ARHGAP26: variants seen among roughly 807,000 people sequenced by gnomAD.
ARHGAP26 encodes the protein rho GTPase-activating protein 26.
ARHGAP26 carries 38 observed loss-of-function variants against 104.8 expected under a neutral mutation model. That is an observed-to-expected ratio of 0.36 (90% CI 0.28 to 0.48). ARHGAP26 has a LOEUF of 0.48. Ranked by LOEUF, ARHGAP26 falls within the 20% of genes least tolerant of loss-of-function variation. ARHGAP26 has a pLI of 0.99. For synonymous variants in ARHGAP26, 341 were observed against 340.0 expected, an observed-to-expected ratio of 1.00 and a Z score of -0.03; for missense variants, 704 against 947.9, an observed-to-expected ratio of 0.74 and a Z score of 3.38.
intron 12 of ARHGAP26, among the ~76,000 whole-genome samples, chr5:143,017,071 G>A (rs1246582079): frequency 6.6e-6 from 1 of 152,204 alleles, no homozygotes; most frequent in Non-Finnish European, 1.5e-5. Context: ...ATGAATTTAA[G>A]AGTGAGACAC....
chr5:142,950,000 C>G (rs1033030331), intron 11 of ARHGAP26, among the ~76,000 whole-genome samples: 8 of 152,186 alleles, frequency 5.3e-5, no homozygotes, highest in Admixed American at 5.2e-4. Flanking sequence ...AAAGTAATGG[C>G]ACATTATCTC....
chr5:142,971,043 T>G (rs376981486), intron 11 of ARHGAP26, among the ~76,000 whole-genome samples: 1 of 152,300 alleles, frequency 6.6e-6, no homozygotes, highest in East Asian at 1.9e-4. Context: ...TTAGGTGGCA[T>G]TGGAGGTTTG....
At chr5:143,148,094 G>C (rs543029100) in intron 20 of ARHGAP26, among the ~76,000 whole-genome samples, 1 of 152,090 alleles carries the variant, frequency 6.6e-6, no homozygotes, top group Non-Finnish European at 1.5e-5. Context: ...GTCAACTAGC[G>C]CCTTTGCAGA....
chr5:143,079,651 C>T (rs1789530626), intron 17 of ARHGAP26, among the ~76,000 whole-genome samples: 1 of 152,216 alleles, frequency 6.6e-6, no homozygotes, highest in African/African-American at 2.4e-5. Flanking sequence ...TTGTTCAGGT[C>T]TTGGAGCAAG....
chr5:143,011,978 T>G lies in ARHGAP26; in HGVS notation c.1108-2102T>G, dbSNP rs189854515. Among the ~76,000 whole-genome samples the G allele has an allele frequency of 1.5e-4, 23 of 152,340 alleles. No homozygotes were observed. In the East Asian group the frequency reaches 4.0e-3, roughly 27 times the overall value. On this transcript the variant is annotated intron_variant, in intron 11 of 22. Transcript: ENST00000645722. Reference sequence around the variant, plus strand: ...ATGTTCACATCAGCTCTGGCTGAGTTAGTCAGAAAAACCTATCATCGCCCA... The same window carrying G: ...ATGTTCACATCAGCTCTGGCTGAGTGAGTCAGAAAAACCTATCATCGCCCA...
At chr5:142,853,550 T>C (rs1345213999) in intron 1 of ARHGAP26, among the ~76,000 whole-genome samples, 1 of 152,220 alleles carries the variant, frequency 6.6e-6, no homozygotes, top group Non-Finnish European at 1.5e-5. Context: ...ACCTTGGTTC[T>C]ATCACTTACT....
chr5:143,214,590 C>G (rs1810035962), intron 22 of ARHGAP26, among the ~76,000 whole-genome samples: 1 of 152,234 alleles, frequency 6.6e-6, no homozygotes, highest in Non-Finnish European at 1.5e-5. Flanking sequence ...TCCGTGGGTC[C>G]TGGCTGCATC....
rs1033787228 is a variant in ARHGAP26 at position 142,871,787 on chromosome 5, G to A, written c.155-1613G>A. 2.0e-5 allele frequency among the ~76,000 whole-genome samples: 3 copies of A among 152,172 alleles called. No homozygotes were observed. Among genetic ancestry groups the A allele is most frequent in the Non-Finnish European group, 2.9e-5 (2 of 68,034 alleles). On this transcript the variant is annotated intron_variant, in intron 1 of 22. Coordinates refer to ENST00000645722, the MANE Select transcript of ARHGAP26 (RefSeq NM_001135608.3). This position sits in a 1 kb window ranked among gnomAD's most constrained non-coding sequence, Gnocchi z 4.1. ...CTGGCCATTTTTGTCAGATGCCTGA[G>A]TCCCCTGCCAACATCTTTTGACATT...
chr5:143,226,762 T>A lies in ARHGAP26; in HGVS notation c.*4316T>A, dbSNP rs1395796704. 1 of 219,256 alleles carries A rather than the reference T, an allele frequency of 4.6e-6. No individual in the cohort carries two copies. 13.6% of individuals were successfully genotyped at this position (219,256 alleles called of 1,614,324 possible). ...ACTGTCTTTTTGAATATCAGTTCAT[T>A]TCCTCTCACCGAGTGCTTTTCGGTG... is the stretch of plus-strand genomic sequence containing the variant. On this transcript the variant is annotated 3_prime_UTR_variant, in exon 23 of 23. Coordinates refer to ENST00000645722, the MANE Select transcript of ARHGAP26 (RefSeq NM_001135608.3).
intron 17 of ARHGAP26, among the ~76,000 whole-genome samples, chr5:143,094,032 C>A (rs1272382887): frequency 6.6e-6 from 1 of 152,194 alleles, no homozygotes; most frequent in Non-Finnish European, 1.5e-5. Flanking sequence ...TCAGCTCCCA[C>A]CTCCTCATGG....
At chr5:142,899,475 C>A (rs184618011) in intron 6 of ARHGAP26, among the ~76,000 whole-genome samples, 1 of 152,160 alleles carries the variant, frequency 6.6e-6, no homozygotes, top group South Asian at 2.1e-4. Context: ...CACAGGGAGG[C>A]GGGAAAGATC....
chr5:142,896,169 C>T (rs983749922), intron 6 of ARHGAP26, among the ~76,000 whole-genome samples: 1 of 152,232 alleles, frequency 6.6e-6, no homozygotes, highest in African/African-American at 2.4e-5. Flanking sequence ...TTCCTGTGGT[C>T]AGGGCAGGAA....
intron 20 of ARHGAP26, among the ~76,000 whole-genome samples, chr5:143,177,548 C>G (rs915576673): frequency 3.3e-5 from 5 of 152,198 alleles, no homozygotes; most frequent in African/African-American, 1.2e-4. Flanking sequence ...GCCTTGGAGA[C>G]AAGGTGCTGT....
chr5:142,816,778 C>T (rs541778394), intron 1 of ARHGAP26, among the ~76,000 whole-genome samples: 5 of 152,116 alleles, frequency 3.3e-5, no homozygotes, highest in East Asian at 1.9e-4. Context: ...GGGGTTGGTT[C>T]GGAGGAAAAG....
chr5:143,151,233 C>T (rs1168331827), intron 20 of ARHGAP26, among the ~76,000 whole-genome samples: 2 of 152,184 alleles, frequency 1.3e-5, no homozygotes, highest in Non-Finnish European at 2.9e-5. Context: ...CACTACACAC[C>T]TCTGAGAATG....
intron 20 of ARHGAP26, among the ~76,000 whole-genome samples, chr5:143,204,909 C>T (rs925879865): frequency 1.3e-5 from 2 of 151,972 alleles, no homozygotes; most frequent in Admixed American, 1.3e-4. Flanking sequence ...TTCTCTTGAA[C>T]CTCCAAATTG....
intron 20 of ARHGAP26, among the ~76,000 whole-genome samples, chr5:143,157,011 C>T (rs1800548194): frequency 6.6e-6 from 1 of 152,054 alleles, no homozygotes. Flanking sequence ...GATCAAGATG[C>T]TGGTATTGAC....
intron 20 of ARHGAP26, among the ~76,000 whole-genome samples, chr5:143,187,113 A>G (rs943296963): frequency 6.6e-6 from 1 of 152,180 alleles, no homozygotes; most frequent in Non-Finnish European, 1.5e-5. Flanking sequence ...CACCAATCCT[A>G]TGAGGTGTAA....
intron 17 of ARHGAP26, among the ~76,000 whole-genome samples, chr5:143,111,818 C>T (rs528921759): frequency 3.3e-5 from 5 of 152,122 alleles, no homozygotes; most frequent in South Asian, 2.1e-4. Context: ...CAGGGAGAGA[C>T]GCCTAGTGCA....
Sources: gnomAD v4.1 joint callset for allele counts (sites outside exome capture counted in the v4.1 genomes callset) on GRCh38, gnomAD v4.1.1 for gene constraint, Gnocchi (gnomAD v3.1) non-coding constraint, MANE v1.5 for transcripts, NCBI Gene and HGNC (gene_info 2026-07-23, HGNC 2026-07-21) for gene names.